SLIT2: variants seen among roughly 807,000 people sequenced by gnomAD.
The protein encoded by SLIT2 is slit homolog 2 protein.
In SLIT2, 41 loss-of-function variants were observed where a neutral mutation model predicts 185.7. The ratio of observed to expected loss-of-function variants is 0.22; its 90% CI spans 0.17 to 0.29. The LOEUF is 0.29. Among genes scored for constraint, SLIT2 ranks in the 10% least tolerant of loss-of-function variants. The pLI is 1.00. For synonymous variants in SLIT2, 693 were observed against 680.2 expected, an observed-to-expected ratio of 1.02 and a Z score of -0.29; for missense variants, 1,571 against 1,909.0, an observed-to-expected ratio of 0.82 and a Z score of 3.30.
At chr4:20,352,137 T>C (rs1435641780) in intron 4 of SLIT2, among the ~76,000 whole-genome samples, 1 of 152,206 alleles carries the variant, frequency 6.6e-6, no homozygotes, top group Non-Finnish European at 1.5e-5. Context: ...GTCATTTTTC[T>C]CTTAGCATTC....
intron 4 of SLIT2, among the ~76,000 whole-genome samples, chr4:20,377,339 A>G (rs1163689404): frequency 6.6e-6 from 1 of 152,176 alleles, no homozygotes; most frequent in African/African-American, 2.4e-5. Flanking sequence ...TTAAGATTAA[A>G]ATTAAATGAA....
intron 26 of SLIT2, among the ~76,000 whole-genome samples, chr4:20,562,274 C>A (rs888165158): frequency 2.0e-5 from 3 of 151,810 alleles, no homozygotes; most frequent in Non-Finnish European, 4.4e-5. Flanking sequence ...CCTTCCTCTA[C>A]AATCTCTTGG....
At chr4:20,495,653 T>C (rs556381024) in intron 9 of SLIT2, among the ~76,000 whole-genome samples, 4 of 152,290 alleles carry the variant, frequency 2.6e-5, no homozygotes, top group African/African-American at 9.6e-5. Flanking sequence ...GAGAAGGTGG[T>C]GTATCAGGTA....
At chr4:20,400,363 G>C (rs1422339051) in intron 4 of SLIT2, among the ~76,000 whole-genome samples, 2 of 151,586 alleles carry the variant, frequency 1.3e-5, no homozygotes, top group African/African-American at 4.8e-5. Flanking sequence ...AAGAAAAGAA[G>C]ATAGATTTTA....
At chr4:20,384,350 C>A (rs1257330028) in intron 4 of SLIT2, among the ~76,000 whole-genome samples, 2 of 152,024 alleles carry the variant, frequency 1.3e-5, no homozygotes, top group Admixed American at 6.6e-5. Flanking sequence ...AAAAACAAAT[C>A]CCTGGTTGTC....
chr4:20,294,798 A>G (rs1716307241), intron 4 of SLIT2, among the ~76,000 whole-genome samples: 1 of 152,194 alleles, frequency 6.6e-6, no homozygotes. Context: ...TTCATAAAAC[A>G]GGCCATCTTT....
At chr4:20,496,748 T>A (rs1350311648) in intron 9 of SLIT2, among the ~76,000 whole-genome samples, 1 of 152,188 alleles carries the variant, frequency 6.6e-6, no homozygotes, top group Admixed American at 6.5e-5. Flanking sequence ...ATCTAGTACC[T>A]TGGCACATAG....
chr4:20,598,480 G>C, intron 33 of SLIT2, 85 bp downstream of exon 33: 2 of 1,512,944 alleles, frequency 1.3e-6, no homozygotes, highest in Admixed American at 3.5e-5. Flanking sequence ...TTATGGAGAG[G>C]AGAGAGACTA....
intron 4 of SLIT2, among the ~76,000 whole-genome samples, chr4:20,291,528 C>A (rs1232672147): frequency 1.8e-4 from 18 of 98,232 alleles, no homozygotes; most frequent in East Asian, 5.4e-4. Context: ...TTTTTTACAG[C>A]AATGCTATGT....
At chr4:20,544,782 A>G (rs1353108052) in intron 21 of SLIT2, among the ~76,000 whole-genome samples, 3 of 152,148 alleles carry the variant, frequency 2.0e-5, no homozygotes, top group Non-Finnish European at 2.9e-5. Context: ...ATTATTTTAC[A>G]TATAAACATT....
chr4:20,525,536 G>A (rs1374300554), intron 15 of SLIT2, among the ~76,000 whole-genome samples: 1 of 151,984 alleles, frequency 6.6e-6, no homozygotes, highest in Non-Finnish European at 1.5e-5. Context: ...TAATTGAGCT[G>A]GTTTTAAAGA....
Position 20,539,453 on chromosome 4 carries a change from C to T in SLIT2, c.1845C>T (p.Ser615=). ...TTTTTCCCCTCAGGATGTTGAGAAG[C>T]AATCGAATAACCTGTGTGGGGAATG... ...LESLKTLMLR[S]NRITCVGNDS... is the part of the protein sequence containing the mutation. Residue 615 remains serine (S), a synonymous_variant, in exon 19 of 37, where the codon AGC becomes AGT. Coordinates refer to ENST00000504154, the MANE Select transcript of SLIT2 (RefSeq NM_004787.4). 1 of 1,611,426 alleles carries T rather than the reference C, an allele frequency of 6.2e-7. No homozygotes were observed. The highest frequency in any genetic ancestry group is 1.1e-5 in the South Asian group (1 of 90,470).
intron 29 of SLIT2, among the ~76,000 whole-genome samples, chr4:20,570,737 A>ATATATATATATATATATATATGTG (rs1560204511): frequency 1.3e-5 from 1 of 77,288 alleles, no homozygotes; most frequent in Admixed American, 1.5e-4. Flanking sequence ...ATATGTATAT[A>ATATATATATATATATATATATGTG]TATATATATA....
intron 4 of SLIT2, among the ~76,000 whole-genome samples, chr4:20,396,673 A>T (rs1725919769): frequency 6.6e-6 from 1 of 151,552 alleles, no homozygotes; most frequent in African/African-American, 2.4e-5. Flanking sequence ...TGCGATACTC[A>T]TAGAATTAAC....
chr4:20,356,764 A>G (rs1245177909), intron 4 of SLIT2, among the ~76,000 whole-genome samples: 1 of 152,122 alleles, frequency 6.6e-6, no homozygotes, highest in Admixed American at 6.6e-5. Flanking sequence ...TGGCTGCTCA[A>G]CTGTGCAAGG....
At chr4:20,542,345 T>C in intron 20 of SLIT2, 149 bp from the exon 21 acceptor site, 1 of 770,592 alleles carries the variant, frequency 1.3e-6, no homozygotes, top group Non-Finnish European at 2.1e-6. Flanking sequence ...ACTTACGGTA[T>C]CAATTAGTAA....
At chr4:20,280,833 G>GTTTTTTTTTTTTTTT (rs34477780) in intron 4 of SLIT2, among the ~76,000 whole-genome samples, 15 of 130,646 alleles carry the variant, frequency 1.1e-4, no homozygotes, top group East Asian at 6.7e-4. Context: ...TTAAAAAAAT[G>GTTTTTTTTTTTTTTT]TTTTTTTTTT....
intron 4 of SLIT2, among the ~76,000 whole-genome samples, chr4:20,321,580 A>T (rs1313350880): frequency 6.6e-6 from 1 of 152,176 alleles, no homozygotes; most frequent in Admixed American, 6.5e-5. Context: ...CAGAAATGAG[A>T]TGCCTTTCTG....
chr4:20,512,106 G>A (rs780631755), intron 11 of SLIT2, among the ~76,000 whole-genome samples: 8 of 152,074 alleles, frequency 5.3e-5, no homozygotes, highest in African/African-American at 7.2e-5. Flanking sequence ...TTAAATATTC[G>A]AAAGTGGAAG....
Sources: allele counts gnomAD v4.1 joint callset (sites outside exome capture counted in the v4.1 genomes callset), GRCh38; gene constraint gnomAD v4.1.1; transcripts MANE v1.5; gene names NCBI Gene and HGNC (gene_info 2026-07-23, HGNC 2026-07-21).